The following RRN3 variants were observed in gnomAD, a reference collection of about 807,000 sequenced individuals.
The protein encoded by RRN3 is RNA polymerase I transcription factor RRN3, also known as RNA polymerase I-specific transcription initiation factor RRN3.
RRN3 carries 38 observed loss-of-function variants against 82.3 expected under a neutral mutation model. The ratio of observed to expected loss-of-function variants is 0.46; its 90% CI spans 0.36 to 0.61. RRN3 has a LOEUF of 0.61. Ranked by LOEUF, RRN3 falls within the 20% of genes least tolerant of loss-of-function variation. The pLI is 0.00. For synonymous variants in RRN3, 284 were observed against 284.3 expected (o/e 1.00, Z 0.01); for missense variants, 726 against 793.1 (o/e 0.92, Z 1.02).
chr16:15,087,629 A>C (rs1204781631), intron 3 of RRN3, among the ~76,000 whole-genome samples: 3 of 152,134 alleles, frequency 2.0e-5, no homozygotes, highest in African/African-American at 7.2e-5. Flanking sequence ...GTAAAACCAC[A>C]ACTCATTTGT....
At chr16:15,093,006 C>A (rs1368197588) in intron 1 of RRN3, among the ~76,000 whole-genome samples, 1 of 151,974 alleles carries the variant, frequency 6.6e-6, no homozygotes, top group African/African-American at 2.4e-5. Flanking sequence ...CTCTACGTGG[C>A]TGGATTTTTT....
At chr16:15,078,539 T>C (rs2045559259) in intron 9 of RRN3, among the ~76,000 whole-genome samples, 1 of 152,140 alleles carries the variant, frequency 6.6e-6, no homozygotes, top group Admixed American at 6.6e-5. Context: ...GCTCTTTTCA[T>C]CTTTCTAAAA....
At chr16:15,075,330 T>C (rs1424578138) in intron 10 of RRN3, among the ~76,000 whole-genome samples, 1 of 151,608 alleles carries the variant, frequency 6.6e-6, no homozygotes, top group Admixed American at 6.6e-5. Flanking sequence ...ACCAACACTT[T>C]GGGAGGCCAA....
intron 1 of RRN3, among the ~76,000 whole-genome samples, chr16:15,093,222 T>TCCAACTC (rs2046211067): frequency 6.6e-6 from 1 of 152,202 alleles, no homozygotes; most frequent in African/African-American, 2.4e-5. Flanking sequence ...CAGGCTGGTC[T>TCCAACTC]CCAACTCCTG....
At chr16:15,093,221 C>A (rs1481088670) in intron 1 of RRN3, among the ~76,000 whole-genome samples, 1 of 152,188 alleles carries the variant, frequency 6.6e-6, no homozygotes, top group African/African-American at 2.4e-5. Flanking sequence ...CCAGGCTGGT[C>A]TCCAACTCCT....
intron 9 of RRN3, among the ~76,000 whole-genome samples, chr16:15,077,607 C>T (rs545704744): frequency 9.2e-5 from 14 of 152,224 alleles, no homozygotes; most frequent in African/African-American, 2.2e-4. Context: ...TTTGGGAGGC[C>T]GAGGTGGACG....
At chr16:15,083,068 G>A (rs1197944819) in intron 8 of RRN3, among the ~76,000 whole-genome samples, 1 of 152,190 alleles carries the variant, frequency 6.6e-6, no homozygotes, top group Non-Finnish European at 1.5e-5. Context: ...CAAATTCTTA[G>A]ACGTCAGTTT....
chr16:15,094,262 T>C lies in RRN3; in HGVS notation c.-29A>G. 6.6e-7 allele frequency: 1 copy of C among 1,511,402 alleles called. No homozygotes were observed. The highest frequency in any genetic ancestry group is 9.0e-7 in the Non-Finnish European group (1 of 1,110,858). The allele number at this position is 1,511,402 out of a possible 1,614,324, so 93.6% of individuals were successfully genotyped here. A position where few individuals can be genotyped will look rare whatever the true frequency, so the allele number is the denominator to read the frequency against. ...GCCGAACTAACGCGACCGCTGCGCC[T>C]CAGGCCGGATGCCCAGCTCCTTCCA... On this transcript the variant is annotated 5_prime_UTR_variant, in exon 1 of 18. Coordinates refer to ENST00000198767, the MANE Select transcript of RRN3 (RefSeq NM_018427.5).
chr16:15,071,634 G>A (rs1325186390), intron 12 of RRN3, among the ~76,000 whole-genome samples: 1 of 152,190 alleles, frequency 6.6e-6, no homozygotes, highest in African/African-American at 2.4e-5. Flanking sequence ...CAGGCATGGT[G>A]GCAGGTGCCT....
At chr16:15,069,950 G>A in intron 14 of RRN3, 120 bp downstream of exon 14, 1 of 1,454,412 alleles carries the variant, frequency 6.9e-7, no homozygotes, top group Non-Finnish European at 9.4e-7. Flanking sequence ...AAAAGTTTGA[G>A]TGCACATGCA....
At chr16:15,076,069 G>A (rs1387691076) in intron 10 of RRN3, among the ~76,000 whole-genome samples, 1 of 151,992 alleles carries the variant, frequency 6.6e-6, no homozygotes, top group East Asian at 1.9e-4. Context: ...AGGCTGTAGC[G>A]ACCTCCCAAG....
At chr16:15,093,940 G>A (rs552666408) in intron 1 of RRN3, 1 of 598,956 alleles carries the variant, frequency 1.7e-6, no homozygotes. Flanking sequence ...CCAGAACAGA[G>A]AACATAGTCA....
rs142677661 is a variant in RRN3, at chr16:15,080,088, G to A, written c.675C>T (p.Tyr225=). 0.011 allele frequency: 17,392 copies of A among 1,594,996 alleles called. 129 individuals are homozygous for A. Among genetic ancestry groups the A allele is most frequent in the Middle Eastern group, 0.034 (204 of 5,914 alleles). ...VRKSERTLEC[Y]VHNLLRISVY... ...CACTAATCCTTAGTAAGTTATGAAC[G>A]TAACATTCCTAAAGGAGAAAATGTA... is the stretch of plus-strand genomic sequence containing the variant. The change falls in exon 9 of 18, where the codon TAC becomes TAT. Residue 225 remains tyrosine, a synonymous_variant. Transcript: ENST00000198767.
chr16:15,086,015 G>C, intron 5 of RRN3, 114 bp downstream of exon 5: 1 of 728,196 alleles, frequency 1.4e-6, no homozygotes, highest in Non-Finnish European at 2.3e-6. Context: ...ACCAGACCTG[G>C]TGCCAATATG....
At chr16:15,071,941 C>T (rs1300092343) in intron 12 of RRN3, among the ~76,000 whole-genome samples, 2 of 152,160 alleles carry the variant, frequency 1.3e-5, no homozygotes, top group East Asian at 3.8e-4. Context: ...CACATGGGCA[C>T]TCCTGTGAGT....
At chr16:15,077,766 C>T (rs571312274) in intron 9 of RRN3, among the ~76,000 whole-genome samples, 3 of 152,138 alleles carry the variant, frequency 2.0e-5, no homozygotes, top group African/African-American at 4.8e-5. Flanking sequence ...GCTTGAACCC[C>T]GGAGGTGGAG....
intron 4 of RRN3, 33 bp from the exon 5 acceptor site, chr16:15,086,291 G>C (rs777864126): frequency 3.2e-6 from 5 of 1,580,872 alleles, no homozygotes; most frequent in Non-Finnish European, 4.3e-6. Context: ...AAAGCAGCAT[G>C]TTATTAATAT....
In RRN3 at chr16:15,092,570, G is replaced by A. The variant is rs748240035; in HGVS notation, c.134C>T (p.Pro45Leu). The A allele has an allele frequency of 4.5e-5, 72 of 1,613,412 alleles. 1 individual carries two copies. The South Asian group carries it at 5.8e-4, about 13-fold the overall frequency. Residue 45 changes from proline to leucine, a missense_variant, in exon 2 of 18, where the codon CCC becomes CTC. Physicochemically the swap from Pro to Leu is moderately conservative, Grantham distance 98. Around this residue, in one of 4 missense-constraint regions of RRN3, gnomAD observed 135 missense variants for 87.4 expected, o/e 1.55. Transcript: ENST00000198767. The stretch of plus-strand genomic sequence containing the variant: ...ACCAAACCGAACAGTTTTTCTTGGG[G>A]GAGAATTGAAAAAGTCATTCTCTAA... ...RALENDFFNS[P>L]PRKTVRFGGT...
rs1713787910 is a variant in RRN3 at position 15,061,520 on chromosome 16, A to C, written c.*224T>G. The C allele has an allele frequency of 2.4e-6, 1 of 420,432 alleles. No homozygotes were observed. The highest frequency in any genetic ancestry group is 4.2e-6 in the Non-Finnish European group (1 of 237,534). The allele number at this position is 420,432 out of a possible 1,614,324, so 26.0% of individuals were successfully genotyped here. On this transcript the variant is annotated 3_prime_UTR_variant, in exon 18 of 18. Coordinates refer to ENST00000198767, the MANE Select transcript of RRN3 (RefSeq NM_018427.5). ...AATGTATCATCAACCCCACTGTAAA[A>C]GATTGCACATGATAGTCTTCATTTT...
Sources: allele counts gnomAD v4.1 joint callset (sites outside exome capture counted in the v4.1 genomes callset), GRCh38; gene constraint gnomAD v4.1.1; regional missense constraint gnomAD v4.1.1; transcripts MANE v1.5; gene names NCBI Gene and HGNC (gene_info 2026-07-23, HGNC 2026-07-21).